The following IARS2 variants were observed in gnomAD, a reference collection of about 807,000 sequenced individuals.
The protein encoded by IARS2 is isoleucyl-tRNA synthetase 2, mitochondrial.
Under a neutral mutation model 126.3 loss-of-function variants are expected in IARS2, and 56 were observed. The ratio of observed to expected loss-of-function variants is 0.44; its 90% confidence interval spans 0.36 to 0.55. The LOEUF is 0.55. Among genes scored for constraint, IARS2 ranks in the 20% least tolerant of loss-of-function variants. The pLI is 0.00. For missense variants in IARS2, 1,127 were observed against 1,245.9 expected (o/e 0.90, Z 1.44); for synonymous variants, 407 against 441.1 (o/e 0.92, Z 0.97).
chr1:220,106,107 G>A, intron 9 of IARS2, 47 bp downstream of exon 9: 1 of 1,465,282 alleles, frequency 6.8e-7, no homozygotes, highest in Non-Finnish European at 9.3e-7. Context: ...TTAATAAAAG[G>A]AAATGATAAA....
At chr1:220,132,288 G>C (rs1463711278) in intron 14 of IARS2, among the ~76,000 whole-genome samples, 1 of 152,102 alleles carries the variant, frequency 6.6e-6, no homozygotes, top group Non-Finnish European at 1.5e-5. Flanking sequence ...GTAGAATTCA[G>C]CAGTAAAGCC....
At chr1:220,143,514 A>T (rs1571865809) in intron 21 of IARS2, among the ~76,000 whole-genome samples, 1 of 152,126 alleles carries the variant, frequency 6.6e-6, no homozygotes, top group East Asian at 1.9e-4. Flanking sequence ...TAGGGAAGGA[A>T]TAGATAAAGT....
intron 1 of IARS2, among the ~76,000 whole-genome samples, chr1:220,094,746 T>C (rs960713325): frequency 6.6e-6 from 1 of 152,222 alleles, no homozygotes; most frequent in African/African-American, 2.4e-5. Flanking sequence ...TACCAGCATG[T>C]ATCGCACGTA....
intron 2 of IARS2, among the ~76,000 whole-genome samples, chr1:220,098,416 C>G (rs1477272546): frequency 3.9e-5 from 6 of 152,118 alleles, no homozygotes; most frequent in Admixed American, 3.9e-4. Flanking sequence ...GTCATCTTAC[C>G]AGGCTCTCTT....
intron 14 of IARS2, among the ~76,000 whole-genome samples, chr1:220,128,355 C>T (rs1268645019): frequency 6.6e-6 from 1 of 152,142 alleles, no homozygotes; most frequent in Non-Finnish European, 1.5e-5. Flanking sequence ...TGTTCAGATA[C>T]ACAAATACAT....
Position 220,126,777 on chromosome 1 carries a change from G to A in IARS2, c.1771G>A (p.Val591Met). The stretch of plus-strand genomic sequence containing the variant: ...TGGTGGCCCTGATGCCTTGGAATAT[G>A]TGCCAGGTCAGGATATTTTGGACAT... The part of the protein sequence containing the change: ...EVGGPDALEY[V>M]PGQDILDIWF... Residue 591 changes from valine (V) to methionine (M), a missense_variant, in exon 14 of 23, where the codon GTG (valine) becomes ATG (methionine). By Grantham distance (21) the Val-to-Met change is conservative (BLOSUM62 1). Transcript: ENST00000366922. 3 of 1,613,364 alleles carry A rather than the reference G, an allele frequency of 1.9e-6. No individual in the cohort carries two copies. In the Admixed American group the frequency reaches 5.0e-5, roughly 27 times the overall value.
At chr1:220,113,378 G>A (rs1027164096) in intron 11 of IARS2, among the ~76,000 whole-genome samples, 4 of 152,144 alleles carry the variant, frequency 2.6e-5, no homozygotes, top group African/African-American at 9.7e-5. Context: ...GGTAGTTACG[G>A]TGAGTGAGGA....
In IARS2 at chr1:220,098,128, C is replaced by G. The variant is rs555679611; in HGVS notation, c.390+1902C>G. Among the ~76,000 whole-genome samples the G allele has an allele frequency of 2.0e-5, 3 of 152,216 alleles. No individual in the cohort carries two copies. The South Asian group carries it at 6.2e-4, about 32-fold the overall frequency. ...GGTCTCCATCTCCTGACCTCATGAT[C>G]CACCCGCCTCGGCCTCCCAAAGTGC... On this transcript the variant is annotated intron_variant, in intron 2 of 22. Coordinates refer to ENST00000366922, the MANE Select transcript of IARS2 (RefSeq NM_018060.4).
At chr1:220,130,934 C>T (rs1218507689) in intron 14 of IARS2, among the ~76,000 whole-genome samples, 1 of 152,070 alleles carries the variant, frequency 6.6e-6, no homozygotes, top group Non-Finnish European at 1.5e-5. Context: ...TCTATTCTGT[C>T]CCATTGGTCT....
chr1:220,102,108 T>C (rs765198775), intron 3 of IARS2, 21 bp from the exon 4 acceptor site: 2 of 1,588,526 alleles, frequency 1.3e-6, no homozygotes. Context: ...TTTTAAAATC[T>C]TTTTTTCGTC....
intron 10 of IARS2, among the ~76,000 whole-genome samples, chr1:220,109,532 C>T (rs1435792012): frequency 6.6e-6 from 1 of 152,144 alleles, no homozygotes; most frequent in Non-Finnish European, 1.5e-5. Context: ...TGTACATAAG[C>T]TATTTAAGAT....
At chr1:220,130,760 T>C (rs185279857) in intron 14 of IARS2, among the ~76,000 whole-genome samples, 41 of 152,286 alleles carry the variant, frequency 2.7e-4, no homozygotes, top group Middle Eastern at 3.4e-3. Context: ...GGTTTCACCA[T>C]GTTAGCCAGG....
At chr1:220,146,696 G>A (rs887533002) in intron 22 of IARS2, among the ~76,000 whole-genome samples, 1 of 152,064 alleles carries the variant, frequency 6.6e-6, no homozygotes, top group Non-Finnish European at 1.5e-5. Flanking sequence ...TCTTTCGGAC[G>A]GAATTTCGCT....
intron 20 of IARS2, 35 bp from the exon 21 acceptor site, chr1:220,142,909 T>G: frequency 1.3e-6 from 2 of 1,498,648 alleles, no homozygotes; most frequent in Non-Finnish European, 1.8e-6. Context: ...TTTAGGATGT[T>G]TGTAAAGCAG....
chr1:220,097,621 C>T (rs1299166342), intron 2 of IARS2, among the ~76,000 whole-genome samples: 2 of 152,062 alleles, frequency 1.3e-5, no homozygotes, highest in Non-Finnish European at 2.9e-5. Flanking sequence ...CCTCTGCCTC[C>T]CAAAGTGCTG....
chr1:220,129,896 G>A (rs1657224941), intron 14 of IARS2, among the ~76,000 whole-genome samples: 2 of 152,074 alleles, frequency 1.3e-5, no homozygotes, highest in Admixed American at 6.6e-5. Flanking sequence ...GGCTTATATG[G>A]TAGTTCTGTT....
chr1:220,143,359 A>C (rs1277462399), intron 21 of IARS2: 1 of 332,008 alleles, frequency 3.0e-6, no homozygotes, highest in East Asian at 4.9e-5. Flanking sequence ...CTAAATTAAA[A>C]AAAAATTAAT....
intron 15 of IARS2, among the ~76,000 whole-genome samples, chr1:220,135,971 C>T (rs1438124654): frequency 6.6e-6 from 1 of 152,092 alleles, no homozygotes; most frequent in Non-Finnish European, 1.5e-5. Flanking sequence ...GATCTCCTTG[C>T]TGTCTCTGTA....
At chr1:220,131,731 G>A (rs191610626) in intron 14 of IARS2, among the ~76,000 whole-genome samples, 64 of 150,168 alleles carry the variant, frequency 4.3e-4, no homozygotes, top group Admixed American at 1.9e-3. Context: ...AGGGATCAGC[G>A]CTGCTCAGCC....
Sources: allele counts gnomAD v4.1 joint callset (sites outside exome capture counted in the v4.1 genomes callset), GRCh38; gene constraint gnomAD v4.1.1; transcripts MANE v1.5; gene names NCBI Gene and HGNC (gene_info 2026-07-23, HGNC 2026-07-21).